The following KIFAP3 variants were observed in gnomAD, a reference collection of about 807,000 sequenced individuals.
KIFAP3 encodes kinesin-associated protein 3.
Under a neutral mutation model 106.5 loss-of-function variants are expected in KIFAP3, and 68 were observed. That is an observed-to-expected ratio of 0.64 (90% CI 0.53 to 0.78). The LOEUF (loss-of-function observed/expected upper bound fraction) is 0.78. Among genes scored for constraint, KIFAP3 ranks in the 30% least tolerant of loss-of-function variants. The probability of loss-of-function intolerance (pLI) is 0.00; values close to 1 mark genes in which losing one functional copy is unlikely to be tolerated. For synonymous variants in KIFAP3, 320 were observed against 311.5 expected (o/e 1.03, Z -0.29); for missense variants, 780 against 941.8 (o/e 0.83, Z 2.25).
chr1:169,990,507 T>C (rs1178559375), intron 11 of KIFAP3, among the ~76,000 whole-genome samples: 1 of 152,168 alleles, frequency 6.6e-6, no homozygotes, highest in Non-Finnish European at 1.5e-5. Context: ...TTGTATATCA[T>C]ACATCCTACA....
intron 8 of KIFAP3, among the ~76,000 whole-genome samples, chr1:170,029,285 TATAGTC>T (rs1301935566): frequency 6.6e-6 from 1 of 151,984 alleles, no homozygotes; most frequent in Non-Finnish European, 1.5e-5. Flanking sequence ...AAATCACAAT[TATAGTC>T]AGAGATTTCA....
chr1:170,040,659 T>C (rs1669926647), intron 3 of KIFAP3, among the ~76,000 whole-genome samples: 1 of 152,178 alleles, frequency 6.6e-6, no homozygotes. Context: ...TACTTGGATT[T>C]ATTGGACTAT....
chr1:169,927,832 A>G (rs550890358), intron 19 of KIFAP3, among the ~76,000 whole-genome samples: 2 of 152,170 alleles, frequency 1.3e-5, no homozygotes, highest in South Asian at 2.1e-4. Context: ...CTAGAAAGGG[A>G]GGTTAGGACT....
At chr1:170,015,018 A>C (rs1254685651) in intron 10 of KIFAP3, among the ~76,000 whole-genome samples, 1 of 152,226 alleles carries the variant, frequency 6.6e-6, no homozygotes. Flanking sequence ...CTAATAAAAC[A>C]GTCTCGCTCA....
intron 1 of KIFAP3, among the ~76,000 whole-genome samples, chr1:170,081,509 A>G (rs761309459): frequency 6.6e-5 from 10 of 152,160 alleles, no homozygotes; most frequent in South Asian, 2.1e-4. Context: ...TTTTTTCTGG[A>G]TGCTTTAGAA....
intron 10 of KIFAP3, among the ~76,000 whole-genome samples, chr1:170,003,344 G>A (rs949517896): frequency 3.9e-5 from 6 of 152,132 alleles, no homozygotes; most frequent in African/African-American, 1.4e-4. Context: ...ACATGAGAAA[G>A]CTATAAAATA....
intron 10 of KIFAP3, among the ~76,000 whole-genome samples, chr1:170,006,740 G>A (rs974892963): frequency 1.3e-5 from 2 of 152,112 alleles, no homozygotes; most frequent in African/African-American, 2.4e-5. Flanking sequence ...GCAGAGATCG[G>A]GAGCTTAATT....
rs567555770 is a variant in KIFAP3, at chr1:169,977,485, G to A, written c.1897+600C>T. Among the ~76,000 whole-genome samples the A allele has an allele frequency of 2.6e-5, 4 of 152,196 alleles. No homozygotes were observed. The East Asian group carries it at 7.7e-4, about 29-fold the overall frequency. On this transcript the variant is annotated intron_variant, in intron 16 of 19. Transcript: ENST00000361580. Reference sequence around the variant, plus strand: ...ATATTAACGTTACGGGCATTTTTTAGGTACCTCATTGTATCCTAGGGAGGT... The same window carrying A: ...ATATTAACGTTACGGGCATTTTTTAAGTACCTCATTGTATCCTAGGGAGGT...
chr1:169,929,727 A>C (rs181217715), intron 19 of KIFAP3, among the ~76,000 whole-genome samples: 18 of 152,236 alleles, frequency 1.2e-4, no homozygotes, highest in Admixed American at 7.2e-4. Flanking sequence ...CATCTTAAAG[A>C]ATCTTATTCT....
Position 170,055,391 on chromosome 1 carries a change from T to G in KIFAP3, c.78A>C (p.Ala26=). 1 of 1,609,290 alleles carries G rather than the reference T, an allele frequency of 6.2e-7. No individual in the cohort carries two copies. ...CTTCCACTTCATAGTGAACAATGAG[T>G]GCTTTTTCTGATGGATGTACATCTA... The part of the protein sequence containing the change: ...GNIDVHPSEK[A]LIVHYEVEAT... Residue 26 remains alanine (A), a synonymous_variant, in exon 2 of 20, where the codon GCA becomes GCC. Transcript: ENST00000361580.
intron 3 of KIFAP3, among the ~76,000 whole-genome samples, chr1:170,040,995 T>G (rs1447421502): frequency 2.0e-5 from 3 of 152,090 alleles, no homozygotes; most frequent in African/African-American, 7.2e-5. Context: ...CCAGCTATTT[T>G]TGTATTTTTA....
At chr1:170,032,564 G>A (rs1571700823) in intron 7 of KIFAP3, among the ~76,000 whole-genome samples, 1 of 151,696 alleles carries the variant, frequency 6.6e-6, no homozygotes, top group South Asian at 2.1e-4. Context: ...TGGACTTCTT[G>A]CAAAAATAAT....
chr1:169,940,320 C>G (rs2101808022), intron 19 of KIFAP3, among the ~76,000 whole-genome samples: 1 of 152,284 alleles, frequency 6.6e-6, no homozygotes, highest in South Asian at 2.1e-4. Context: ...AATTCATAAA[C>G]TGCCTGGAAC....
At chr1:170,012,101 C>G (rs1668270903) in intron 10 of KIFAP3, among the ~76,000 whole-genome samples, 1 of 151,912 alleles carries the variant, frequency 6.6e-6, no homozygotes, top group African/African-American at 2.4e-5. Context: ...ATATACAATT[C>G]AAATAAGTTC....
chr1:169,975,447 T>C (rs1237945589), intron 16 of KIFAP3, among the ~76,000 whole-genome samples: 1 of 152,104 alleles, frequency 6.6e-6, no homozygotes, highest in African/African-American at 2.4e-5. Context: ...AATATTCATA[T>C]TGGATTCATA....
intron 11 of KIFAP3, 62 bp from the exon 12 acceptor site, chr1:169,984,752 G>A (rs1272132668): frequency 4.9e-6 from 4 of 808,990 alleles, no homozygotes; most frequent in Non-Finnish European, 8.4e-6. Flanking sequence ...AAACACAGAA[G>A]CAATATTTTT....
chr1:169,974,790 T>C (rs1307471040), intron 16 of KIFAP3, among the ~76,000 whole-genome samples: 3 of 151,902 alleles, frequency 2.0e-5, no homozygotes, highest in Admixed American at 2.0e-4. Context: ...CACATGGTTT[T>C]GTGAGAATAA....
At chr1:170,021,449 T>C (rs912237742) in intron 9 of KIFAP3, among the ~76,000 whole-genome samples, 2 of 135,240 alleles carry the variant, frequency 1.5e-5, no homozygotes, top group Non-Finnish European at 3.4e-5. Flanking sequence ...TTTTTTTTTT[T>C]TTTTTTTTGA....
chr1:170,036,889 G>C (rs965547145), intron 5 of KIFAP3, among the ~76,000 whole-genome samples: 1 of 152,090 alleles, frequency 6.6e-6, no homozygotes, highest in South Asian at 2.1e-4. Flanking sequence ...GAGGTCAAAA[G>C]ACAACACAAA....
Sources: gnomAD v4.1 joint callset for allele counts (sites outside exome capture counted in the v4.1 genomes callset) on GRCh38, gnomAD v4.1.1 for gene constraint, MANE v1.5 for transcripts, NCBI Gene and HGNC (gene_info 2026-07-23, HGNC 2026-07-21) for gene names.